HIBCH: variants seen among roughly 807,000 people sequenced by gnomAD.
HIBCH encodes the protein 3-hydroxyisobutyryl-CoA hydrolase, mitochondrial.
HIBCH carries 50 observed loss-of-function variants against 58.2 expected under a neutral mutation model. That is an observed-to-expected ratio of 0.86 (90% CI 0.68 to 1.09). The LOEUF is 1.09. HIBCH is among the 50% of genes least tolerant of loss of function. The probability of loss-of-function intolerance (pLI) is 0.00; values close to 1 mark genes in which losing one functional copy is unlikely to be tolerated. For missense variants in HIBCH, 450 were observed against 449.7 expected (o/e 1.00, Z -0.01); for synonymous variants, 151 against 146.9 (o/e 1.03, Z -0.20).
At chr2:190,192,177 T>TCC (rs1397151932) in intron 1 of HIBCH, among the ~76,000 whole-genome samples, 3 of 152,164 alleles carry the variant, frequency 2.0e-5, no homozygotes, top group Non-Finnish European at 4.4e-5. Context: ...TATGTGAATG[T>TCC]CCAATTGTTC....
At chr2:190,257,012 G>A (rs1358339737) in intron 7 of HIBCH, among the ~76,000 whole-genome samples, 1 of 152,146 alleles carries the variant, frequency 6.6e-6, no homozygotes, top group Non-Finnish European at 1.5e-5. Flanking sequence ...AAAACGGAAT[G>A]GGTGGAAAAA....
intron 1 of HIBCH, among the ~76,000 whole-genome samples, chr2:190,193,352 G>A (rs746683545): frequency 5.9e-5 from 9 of 151,586 alleles, no homozygotes; most frequent in Non-Finnish European, 1.3e-4. Flanking sequence ...CAACTTCTGG[G>A]TCTATGTTCA....
rs1469869064 is a variant in HIBCH, at chr2:190,261,148, T to C, written c.517+8A>G. 2.2e-5 allele frequency: 36 copies of C among 1,606,430 alleles called. No individual in the cohort carries two copies. Among genetic ancestry groups the C allele is most frequent in the Non-Finnish European group, 3.0e-5 (35 of 1,173,394 alleles). Reference sequence around the variant, plus strand: ...AAAGTAATTATAAAAAAAATTCTGGTTGTTTACCTATTGCAGTTTCTGGCA... The same window carrying C: ...AAAGTAATTATAAAAAAAATTCTGGCTGTTTACCTATTGCAGTTTCTGGCA... On this transcript the variant is annotated splice_region_variant and intron_variant, in intron 7 of 13. Transcript: ENST00000359678.
intron 13 of HIBCH, among the ~76,000 whole-genome samples, chr2:190,205,995 C>G (rs891749907): frequency 4.6e-5 from 7 of 152,180 alleles, no homozygotes; most frequent in Admixed American, 1.3e-4. Flanking sequence ...ACAATGATCT[C>G]CAAATTTTAA....
chr2:190,305,371 G>C lies in HIBCH; in HGVS notation c.78+5383C>G, dbSNP rs181334528. Among the ~76,000 whole-genome samples, 437 of 152,266 alleles carry C rather than the reference G, an allele frequency of 2.9e-3. 6 individuals are homozygous for C. Among genetic ancestry groups the C allele is most frequent in the Non-Finnish European group, 7.5e-4 (51 of 68,014 alleles). ...GGCAATGCTCCTGCTGAAGGTGCTAGGGAAGGAACTATCCTAGGCTTCTTT... is the reference window on the plus strand; with the variant it reads ...GGCAATGCTCCTGCTGAAGGTGCTACGGAAGGAACTATCCTAGGCTTCTTT... On this transcript the variant is annotated intron_variant, in intron 2 of 13. Transcript: ENST00000359678.
At chr2:190,261,837 C>T (rs1464005098) in intron 6 of HIBCH, among the ~76,000 whole-genome samples, 1 of 152,120 alleles carries the variant, frequency 6.6e-6, no homozygotes, top group African/African-American at 2.4e-5. Flanking sequence ...CTAGATAAGG[C>T]CACTGCCTGC....
At chr2:190,317,651 G>C (rs754730547) in intron 1 of HIBCH, among the ~76,000 whole-genome samples, 4 of 152,108 alleles carry the variant, frequency 2.6e-5, no homozygotes, top group Admixed American at 6.5e-5. Flanking sequence ...CTGGGAAGAG[G>C]AAAAAGTGAT....
intron 1 of HIBCH, among the ~76,000 whole-genome samples, chr2:190,193,415 T>C (rs896415330): frequency 1.4e-4 from 22 of 152,160 alleles, no homozygotes; most frequent in Admixed American, 1.4e-3. Context: ...TGGCCTCATA[T>C]AGAATAATTC....
intron 1 of HIBCH, among the ~76,000 whole-genome samples, chr2:190,198,327 C>T (rs543000829): frequency 5.9e-4 from 90 of 152,214 alleles, no homozygotes; most frequent in Non-Finnish European, 1.0e-3. Context: ...ATTAGATGCA[C>T]GCAAGCTTTT....
intron 7 of HIBCH, among the ~76,000 whole-genome samples, chr2:190,257,585 A>T (rs1686961201): frequency 6.6e-6 from 1 of 152,228 alleles, no homozygotes; most frequent in Admixed American, 6.5e-5. Flanking sequence ...GATATTAAAA[A>T]GATAATAGGG....
At chr2:190,234,506 G>C (rs2105923276) in intron 11 of HIBCH, among the ~76,000 whole-genome samples, 1 of 152,284 alleles carries the variant, frequency 6.6e-6, no homozygotes, top group East Asian at 1.9e-4. Context: ...CAATCTGGAT[G>C]AATCTCACAA....
intron 6 of HIBCH, among the ~76,000 whole-genome samples, chr2:190,282,554 C>T (rs1458814696): frequency 6.6e-6 from 1 of 152,162 alleles, no homozygotes; most frequent in Non-Finnish European, 1.5e-5. Flanking sequence ...AACATAATCA[C>T]CTCTTAAAGG....
intron 6 of HIBCH, among the ~76,000 whole-genome samples, chr2:190,262,370 C>T (rs1399019552): frequency 6.6e-6 from 1 of 152,142 alleles, no homozygotes; most frequent in African/African-American, 2.4e-5. Flanking sequence ...CTAATAACTG[C>T]CCCATTCTCT....
chr2:190,237,597 T>C (rs1686314526), intron 11 of HIBCH, among the ~76,000 whole-genome samples: 2 of 152,190 alleles, frequency 1.3e-5, no homozygotes, highest in Non-Finnish European at 2.9e-5. Flanking sequence ...TTGGTGAGTT[T>C]ATGTTTAACT....
chr2:190,220,410 G>C (rs910897116), intron 11 of HIBCH: 1 of 152,126 alleles, frequency 6.6e-6, no homozygotes, highest in South Asian at 2.1e-4. Context: ...GCAGTTGCCA[G>C]AGCTTTGAAC....
At chr2:190,247,892 AATG>A (rs1249713516) in intron 9 of HIBCH, among the ~76,000 whole-genome samples, 3 of 152,232 alleles carry the variant, frequency 2.0e-5, no homozygotes, top group African/African-American at 7.2e-5. Flanking sequence ...TGTGCTTAGA[AATG>A]ATGCTCCTGC....
chr2:190,290,526 T>A, intron 4 of HIBCH, 41 bp from the exon 5 acceptor site: 8 of 1,232,126 alleles, frequency 6.5e-6, no homozygotes, highest in South Asian at 2.4e-5. Flanking sequence ...AAAGATTTAA[T>A]AGTCAACATT....
At position 190,228,557 on chromosome 2, in the gene HIBCH, A is replaced by G. The variant is rs28706011; in HGVS notation, c.892-15482T>C. 6.0e-3 allele frequency among the ~76,000 whole-genome samples: 903 copies of G among 151,720 alleles called. 2 individuals are homozygous for G. Among genetic ancestry groups the G allele is most frequent in the Non-Finnish European group, 7.6e-3 (515 of 67,920 alleles). On this transcript the variant is annotated intron_variant, in intron 11 of 13. Transcript: ENST00000359678. ...AGAACTTAAAGTATAATTAAAAAAA[A>G]AGAGAGAGAGAGAACACAGACTGTT...
At chr2:190,212,257 T>G (rs1690530552) in intron 12 of HIBCH, among the ~76,000 whole-genome samples, 1 of 152,162 alleles carries the variant, frequency 6.6e-6, no homozygotes, top group Admixed American at 6.5e-5. Context: ...CTAGATGAAC[T>G]ACATTGAACA....
Sources: gnomAD v4.1 joint callset for allele counts (sites outside exome capture counted in the v4.1 genomes callset) on GRCh38, gnomAD v4.1.1 for gene constraint, MANE v1.5 for transcripts, NCBI Gene and HGNC (gene_info 2026-07-23, HGNC 2026-07-21) for gene names.